The following BRD10 variants were observed in gnomAD, a reference collection of about 807,000 sequenced individuals.
BRD10 encodes the protein uncharacterized bromodomain-containing protein 10.
At chr9:5,998,156 G>C in the BRD10 span, among the ~76,000 whole-genome samples, 115 of 152,172 alleles carry the variant, frequency 7.6e-4, no homozygotes, top group African/African-American at 2.6e-3. Flanking sequence ...GTTTGAGATG[G>C]CTACTGGACA....
the BRD10 span, among the ~76,000 whole-genome samples, chr9:5,983,976 C>CAT: frequency 1.3e-5 from 2 of 150,488 alleles, no homozygotes; most frequent in Non-Finnish European, 3.0e-5. Context: ...CACACACACA[C>CAT]ACACACACAC....
At chr9:5,880,236 T>TA in the BRD10 span, among the ~76,000 whole-genome samples, 4 of 147,414 alleles carry the variant, frequency 2.7e-5, no homozygotes, top group Admixed American at 2.7e-4. Flanking sequence ...TCTTTAAAAA[T>TA]AAAAAATAAA....
the BRD10 span, chr9:6,007,775 C>T: frequency 6.4e-7 from 1 of 1,556,962 alleles, no homozygotes; most frequent in Admixed American, 1.9e-5. Context: ...CCCGGCGTCC[C>T]GGGCACACTC....
chr9:5,879,604 C>T, the BRD10 span, among the ~76,000 whole-genome samples: 1 of 152,150 alleles, frequency 6.6e-6, no homozygotes, highest in Non-Finnish European at 1.5e-5. Flanking sequence ...TGGTGGCCAC[C>T]GCTGGCTCTT....
the BRD10 span, among the ~76,000 whole-genome samples, chr9:5,984,432 T>C: frequency 2.0e-5 from 3 of 151,942 alleles, no homozygotes; most frequent in African/African-American, 7.3e-5. Flanking sequence ...AGAAACTACT[T>C]TGAAAAAATA....
chr9:5,998,854 G>A, the BRD10 span, among the ~76,000 whole-genome samples: 9 of 152,090 alleles, frequency 5.9e-5, no homozygotes, highest in South Asian at 2.1e-4. Flanking sequence ...AGAATTGTAC[G>A]AAGGATTTAG....
chr9:5,896,184 A>T, the BRD10 span, among the ~76,000 whole-genome samples: 14 of 152,256 alleles, frequency 9.2e-5, no homozygotes, highest in Admixed American at 7.2e-4. Context: ...GCACTTGACC[A>T]GCATAATGTC....
the BRD10 span, among the ~76,000 whole-genome samples, chr9:5,994,908 T>TTTCTTTTTTC: frequency 2.6e-5 from 4 of 151,838 alleles, no homozygotes; most frequent in African/African-American, 7.3e-5. Flanking sequence ...TTTCTTTTTT[T>TTTCTTTTTTC]TTTTTTTTGA....
chr9:5,988,555 G>A, the BRD10 span: 1 of 1,603,862 alleles, frequency 6.2e-7, no homozygotes, highest in Non-Finnish European at 8.5e-7. Context: ...CCTTGGAGAA[G>A]AATAAGTCAA....
chr9:5,964,781 T>C, the BRD10 span, among the ~76,000 whole-genome samples: 1 of 125,218 alleles, frequency 8.0e-6, no homozygotes, highest in African/African-American at 3.0e-5. Flanking sequence ...TTGGAAATCA[T>C]CATTCTCAGT....
At chr9:5,959,565 C>T in the BRD10 span, among the ~76,000 whole-genome samples, 1 of 152,112 alleles carries the variant, frequency 6.6e-6, no homozygotes, top group Non-Finnish European at 1.5e-5. Flanking sequence ...AATAAAAGGA[C>T]ATGGAGTATA....
the BRD10 span, among the ~76,000 whole-genome samples, chr9:5,959,272 T>A: frequency 6.6e-6 from 1 of 152,186 alleles, no homozygotes; most frequent in Admixed American, 6.6e-5. Flanking sequence ...CAGCTTCTTT[T>A]CATAGCTCTT....
At chr9:5,921,949 G>C in the BRD10 span, 1 of 1,613,938 alleles carries the variant, frequency 6.2e-7, no homozygotes, top group Non-Finnish European at 8.5e-7. Context: ...TTGGTGTTTG[G>C]CTAAAAGGTG....
the BRD10 span, among the ~76,000 whole-genome samples, chr9:5,999,216 A>T: frequency 6.6e-6 from 1 of 152,106 alleles, no homozygotes; most frequent in African/African-American, 2.4e-5. Flanking sequence ...AACAGAGAGA[A>T]GATTGAAATT....
At chr9:5,944,733 A>G in the BRD10 span, 6 of 509,154 alleles carry the variant, frequency 1.2e-5, no homozygotes, top group Non-Finnish European at 2.1e-5. Flanking sequence ...AGGAGAAATA[A>G]AAGAAACAAT....
the BRD10 span, among the ~76,000 whole-genome samples, chr9:5,972,075 C>T: frequency 3.3e-5 from 5 of 152,042 alleles, no homozygotes; most frequent in Non-Finnish European, 7.4e-5. Context: ...ACAACAACAA[C>T]AAAATCAAAT....
the BRD10 span, chr9:5,897,448 C>G: frequency 1.0e-6 from 1 of 976,326 alleles, no homozygotes; most frequent in East Asian, 2.5e-5. Context: ...CTGGGAGATG[C>G]TGCTCTGGGT....
At chr9:5,990,854 T>TC in the BRD10 span, among the ~76,000 whole-genome samples, 6,409 of 152,272 alleles carry the variant, frequency 0.042, 152 homozygotes, top group Middle Eastern at 0.061. Context: ...CATGAACATA[T>TC]CCTTTGACCC....
the BRD10 span, among the ~76,000 whole-genome samples, chr9:5,970,094 A>G: frequency 2.0e-5 from 3 of 152,252 alleles, no homozygotes; most frequent in South Asian, 6.2e-4. Context: ...AGATATTTAT[A>G]TCCTCTGACC....
Sources: gnomAD v4.1 joint callset for allele counts (sites outside exome capture counted in the v4.1 genomes callset) on GRCh38, gnomAD v4.1.1 for gene constraint, MANE v1.5 for transcripts, NCBI Gene and HGNC (gene_info 2026-07-23, HGNC 2026-07-21) for gene names.